ARHGAP22: variants seen among roughly 807,000 people sequenced by gnomAD.
ARHGAP22 encodes Rho GTPase activating protein 22.
ARHGAP22 carries 48 observed loss-of-function variants against 59.1 expected under a neutral mutation model. The observed-to-expected ratio is 0.81, with a 90% CI of 0.64 to 1.03. The LOEUF (loss-of-function observed/expected upper bound fraction) is 1.03, where lower values mean the gene tolerates loss of function less well. Among genes scored for constraint, ARHGAP22 ranks in the 50% least tolerant of loss-of-function variants. The pLI, the probability that ARHGAP22 is intolerant of heterozygous loss-of-function variation, is 0.00. For synonymous variants in ARHGAP22, 445 were observed against 416.4 expected, an observed-to-expected ratio of 1.07 and a Z score of -0.84; for missense variants, 1,015 against 958.7, an observed-to-expected ratio of 1.06 and a Z score of -0.78.
chr10:48,585,399 C>T (rs564114462), intron 1 of ARHGAP22, among the ~76,000 whole-genome samples: 1 of 152,322 alleles, frequency 6.6e-6, no homozygotes, highest in East Asian at 1.9e-4. Flanking sequence ...TCTCTCTTAA[C>T]TTGTCTTTTC....
chr10:48,437,660 CTG>C, the ARHGAP22 span: 41 of 152,302 alleles, frequency 2.7e-4, no homozygotes, highest in African/African-American at 9.4e-4. Flanking sequence ...CATCTCAACT[CTG>C]TCATAGTGTT....
the ARHGAP22 span, among the ~76,000 whole-genome samples, chr10:48,433,292 A>G: frequency 6.6e-6 from 1 of 152,236 alleles, no homozygotes; most frequent in Non-Finnish European, 1.5e-5. Flanking sequence ...TGGGTAAAAT[A>G]ATAGACCCTG....
intron 3 of ARHGAP22, among the ~76,000 whole-genome samples, chr10:48,517,377 G>A (rs2053389916): frequency 6.6e-6 from 1 of 152,178 alleles, no homozygotes; most frequent in Admixed American, 6.5e-5. Context: ...GGGCGATAGG[G>A]AGAGATATTT....
At chr10:48,439,224 T>A in the ARHGAP22 span, 25,949 of 150,496 alleles carry the variant, frequency 0.17, 2,683 homozygotes, top group South Asian at 0.28. Flanking sequence ...AATGCTGAGA[T>A]CATTATTGTG....
chr10:48,569,436 A>G (rs1471192277), intron 2 of ARHGAP22, among the ~76,000 whole-genome samples: 1 of 152,256 alleles, frequency 6.6e-6, no homozygotes, highest in Non-Finnish European at 1.5e-5. Flanking sequence ...CCAATGCATT[A>G]AGGAGCTAGA....
At chr10:48,534,454 CTG>C (rs2055164313) in intron 3 of ARHGAP22, among the ~76,000 whole-genome samples, 1 of 152,232 alleles carries the variant, frequency 6.6e-6, no homozygotes, top group South Asian at 2.1e-4. Context: ...AGAGGGCTCT[CTG>C]TCCTTGCCAT....
intron 1 of ARHGAP22, among the ~76,000 whole-genome samples, chr10:48,620,880 G>A (rs1161318100): frequency 6.6e-6 from 1 of 152,228 alleles, no homozygotes; most frequent in Non-Finnish European, 1.5e-5. Context: ...ACTGGGACTT[G>A]AAGCCCAGGC....
At chr10:48,525,217 G>A (rs2054219274) in intron 3 of ARHGAP22, among the ~76,000 whole-genome samples, 1 of 152,208 alleles carries the variant, frequency 6.6e-6, no homozygotes. Flanking sequence ...TCTATGGAAG[G>A]CTATTCATGG....
chr10:48,625,828 ATC>A (rs1368885123), intron 1 of ARHGAP22, among the ~76,000 whole-genome samples: 1 of 151,996 alleles, frequency 6.6e-6, no homozygotes, highest in African/African-American at 2.4e-5. Context: ...TCCAGGGATG[ATC>A]TCTGCTCCAC....
At position 48,558,808 on chromosome 10, in the gene ARHGAP22, C is replaced by T. The variant is rs183986466; in HGVS notation, c.235-3258G>A. 2.0e-5 allele frequency among the ~76,000 whole-genome samples: 3 copies of T among 152,330 alleles called. No individual in the cohort carries two copies. The East Asian group carries it at 5.8e-4, about 29-fold the overall frequency. On this transcript the variant is annotated intron_variant, in intron 2 of 9. Coordinates refer to ENST00000249601, the MANE Select transcript of ARHGAP22 (RefSeq NM_021226.4). Reference sequence around the variant, plus strand: ...CTGATGCTGAGAGCCCTGGGGAATACACTTTGAGAACCACTAGTCTAGGGA... The same window carrying T: ...CTGATGCTGAGAGCCCTGGGGAATATACTTTGAGAACCACTAGTCTAGGGA...
At chr10:48,647,559 G>A (rs2062360148) in intron 1 of ARHGAP22, among the ~76,000 whole-genome samples, 1 of 146,764 alleles carries the variant, frequency 6.8e-6, no homozygotes, top group Non-Finnish European at 1.5e-5. Flanking sequence ...GTGTTGGTGA[G>A]GATGTGGAAA....
At chr10:48,649,697 G>A (rs932417062) in intron 1 of ARHGAP22, among the ~76,000 whole-genome samples, 1 of 152,110 alleles carries the variant, frequency 6.6e-6, no homozygotes. Context: ...AGTTCCCTAG[G>A]AGGAGCTGAG....
At chr10:48,455,370 C>G (rs2046389997) in intron 5 of ARHGAP22, among the ~76,000 whole-genome samples, 1 of 152,180 alleles carries the variant, frequency 6.6e-6, no homozygotes, top group Non-Finnish European at 1.5e-5. Flanking sequence ...AGCTCCAGCT[C>G]AGGGACCACC....
At chr10:48,596,351 A>T (rs2060066004) in intron 1 of ARHGAP22, among the ~76,000 whole-genome samples, 1 of 152,196 alleles carries the variant, frequency 6.6e-6, no homozygotes, top group Non-Finnish European at 1.5e-5. Flanking sequence ...CGGGGGACAG[A>T]TGCCCCAACA....
At chr10:48,583,755 A>G (rs2059258190) in intron 1 of ARHGAP22, among the ~76,000 whole-genome samples, 1 of 152,210 alleles carries the variant, frequency 6.6e-6, no homozygotes, top group African/African-American at 2.4e-5. Flanking sequence ...CGAGCCCCCA[A>G]AGCCTTTGTA....
rs547941340 is a variant in ARHGAP22 at position 48,631,512 on chromosome 10, CT to C, written c.52+20721del. Among the ~76,000 whole-genome samples, 560 of 152,210 alleles carry C rather than the reference CT, an allele frequency of 3.7e-3. 5 individuals are homozygous for C. Among genetic ancestry groups the C allele is most frequent in the African/African-American group, 0.013 (542 of 41,524 alleles). On this transcript the variant is annotated intron_variant, in intron 1 of 9. Transcript: ENST00000435790. ...AGCCAATTAAAATGATATATTTCTC[CT>C]TGGGATATCAATTATACTTCTTAAA...
At chr10:48,635,699 C>T (rs180946345) in intron 1 of ARHGAP22, among the ~76,000 whole-genome samples, 30 of 152,352 alleles carry the variant, frequency 2.0e-4, no homozygotes, top group South Asian at 4.1e-4. Context: ...TCATTATGCC[C>T]CTCACACTGG....
intron 3 of ARHGAP22, among the ~76,000 whole-genome samples, chr10:48,514,234 A>G (rs1341942734): frequency 6.6e-6 from 1 of 152,148 alleles, no homozygotes; most frequent in African/African-American, 2.4e-5. Flanking sequence ...GAAAAAAGGT[A>G]GAAAGAATAT....
In ARHGAP22 at chr10:48,446,228, G is replaced by T; in HGVS notation, c.*163C>A. ...CAGCATCTGATCCCACCTGGAGTGT[G>T]TGGGGTCCCAAAAGTCCCCACAGTC... is the stretch of plus-strand genomic sequence containing the variant. On this transcript the variant is annotated 3_prime_UTR_variant, in exon 10 of 10. Transcript: ENST00000249601. 2 of 693,350 alleles carry T rather than the reference G, an allele frequency of 2.9e-6. No individual in the cohort carries two copies. Among genetic ancestry groups the T allele is most frequent in the East Asian group, 2.7e-5 (1 of 37,108 alleles). The allele number at this position is 693,350 out of a possible 1,614,324, so 42.9% of individuals were successfully genotyped here. A position where few individuals can be genotyped will look rare whatever the true frequency, so the allele number is the denominator to read the frequency against.
Sources: gnomAD v4.1 joint callset for allele counts (sites outside exome capture counted in the v4.1 genomes callset) on GRCh38, gnomAD v4.1.1 for gene constraint, MANE v1.5 for transcripts, NCBI Gene and HGNC (gene_info 2026-07-23, HGNC 2026-07-21) for gene names.